FHIT: variants seen among roughly 807,000 people sequenced by gnomAD.
The protein encoded by FHIT is bis(5'-adenosyl)-triphosphatase.
Under a neutral mutation model 17.9 loss-of-function variants are expected in FHIT, and 19 were observed. That is an observed-to-expected ratio of 1.06 (90% CI 0.74 to 1.56). The LOEUF (loss-of-function observed/expected upper bound fraction) is 1.56, where lower values mean the gene tolerates loss of function less well. FHIT is among the 40% of genes most tolerant of loss of function. The pLI is 0.00. For missense variants in FHIT, 248 were observed against 189.2 expected (o/e 1.31, Z -1.82); for synonymous variants, 81 against 69.7 (o/e 1.16, Z -0.81).
intron 5 of FHIT, among the ~76,000 whole-genome samples, chr3:60,231,050 T>G (rs568865483): frequency 2.0e-5 from 3 of 152,340 alleles, no homozygotes; most frequent in African/African-American, 7.2e-5. Context: ...GACATGGTAG[T>G]GGCAACAACT....
intron 5 of FHIT, among the ~76,000 whole-genome samples, chr3:60,195,486 T>C (rs1038127731): frequency 3.4e-5 from 5 of 147,898 alleles, no homozygotes; most frequent in African/African-American, 7.4e-5. Context: ...CAGTTCACAA[T>C]TGAAAAGACG....
intron 5 of FHIT, among the ~76,000 whole-genome samples, chr3:60,104,846 G>A (rs923233492): frequency 2.0e-5 from 3 of 152,000 alleles, no homozygotes; most frequent in African/African-American, 7.2e-5. Context: ...AGTTACTATG[G>A]GAACAGAGGT....
intron 3 of FHIT, among the ~76,000 whole-genome samples, chr3:61,018,297 T>C (rs72873078): frequency 0.021 from 3,203 of 152,332 alleles, 72 homozygotes; most frequent in African/African-American, 0.05. Flanking sequence ...GAAAGAGTTT[T>C]GATTTTTGTT....
chr3:60,305,568 A>C (rs1016115949), intron 5 of FHIT, among the ~76,000 whole-genome samples: 1 of 152,144 alleles, frequency 6.6e-6, no homozygotes, highest in African/African-American at 2.4e-5. Context: ...GCTTCAAAAC[A>C]ATGTGTTTAT....
At chr3:60,372,303 C>A (rs981766989) in intron 5 of FHIT, among the ~76,000 whole-genome samples, 1 of 152,164 alleles carries the variant, frequency 6.6e-6, no homozygotes, top group Admixed American at 6.6e-5. Context: ...TAGAGCACCA[C>A]CCCTTCACCA....
At chr3:60,885,839 C>A (rs1705198035) in intron 3 of FHIT, among the ~76,000 whole-genome samples, 1 of 152,138 alleles carries the variant, frequency 6.6e-6, no homozygotes, top group Non-Finnish European at 1.5e-5. Context: ...CCAGATGCCT[C>A]CTCTAATTGT....
intron 7 of FHIT, among the ~76,000 whole-genome samples, chr3:60,008,764 G>T (rs802780): frequency 0.98 from 150,012 of 152,316 alleles, 73,921 homozygotes; most frequent in Middle Eastern, 1. Context: ...ATGCTCAGAG[G>T]CTTGAATTGT....
At chr3:60,791,770 T>C (rs555480907) in intron 4 of FHIT, among the ~76,000 whole-genome samples, 1 of 152,312 alleles carries the variant, frequency 6.6e-6, no homozygotes, top group East Asian at 1.9e-4. Context: ...CCAGTATGAA[T>C]GAGAACAGTC....
chr3:60,123,985 T>A (rs1341772342), intron 5 of FHIT, among the ~76,000 whole-genome samples: 1 of 47,466 alleles, frequency 2.1e-5, no homozygotes, highest in African/African-American at 8.3e-5. Context: ...TATATATATA[T>A]ATATATATAT....
chr3:60,954,427 G>A (rs1709025276), intron 3 of FHIT, among the ~76,000 whole-genome samples: 1 of 152,160 alleles, frequency 6.6e-6, no homozygotes, highest in African/African-American at 2.4e-5. Context: ...AATAGGCTCT[G>A]GAGAGTTTAG....
chr3:59,796,764 T>C (rs1247819206), intron 8 of FHIT, among the ~76,000 whole-genome samples: 2 of 152,220 alleles, frequency 1.3e-5, no homozygotes, highest in Admixed American at 1.3e-4. Context: ...GACTGCAGTA[T>C]TCTCAGTGAC....
intron 5 of FHIT, among the ~76,000 whole-genome samples, chr3:60,036,536 T>G (rs1156846454): frequency 6.6e-6 from 1 of 152,184 alleles, no homozygotes; most frequent in Non-Finnish European, 1.5e-5. Context: ...CAATAAAACT[T>G]TATTTTTTCT....
chr3:59,963,683 A>C (rs1022735878), intron 7 of FHIT, among the ~76,000 whole-genome samples: 2 of 152,230 alleles, frequency 1.3e-5, no homozygotes, highest in African/African-American at 4.8e-5. Context: ...GTGACTTGCT[A>C]AAGATAATTC....
chr3:60,622,210 C>A (rs1382059054), intron 4 of FHIT, among the ~76,000 whole-genome samples: 1 of 152,160 alleles, frequency 6.6e-6, no homozygotes, highest in Non-Finnish European at 1.5e-5. Context: ...CCCAAGTGGT[C>A]TTTTCCTCAT....
intron 4 of FHIT, among the ~76,000 whole-genome samples, chr3:60,817,750 A>T (rs1433171699): frequency 6.6e-6 from 1 of 152,194 alleles, no homozygotes; most frequent in African/African-American, 2.4e-5. Context: ...TTTGGGATTC[A>T]CTGCATTTCT....
rs542904194 is a variant in FHIT at position 60,653,634 on chromosome 3, GA to G, written c.-17-116656del. On this transcript the variant is annotated intron_variant, in intron 4 of 9. Coordinates refer to ENST00000492590, the MANE Select transcript of FHIT (RefSeq NM_002012.4). Reference sequence around the variant, plus strand: ...AAGAATAATTAACTGTAAAGTGGTAGAAAAATGAAATTCCTAACAATTTCCT... The same window carrying G: ...AAGAATAATTAACTGTAAAGTGGTAGAAAATGAAATTCCTAACAATTTCCT... 6.8e-5 allele frequency among the ~76,000 whole-genome samples: 10 copies of G among 147,842 alleles called. No individual in the cohort carries two copies. The South Asian group carries it at 2.2e-3, about 33-fold the overall frequency.
chr3:61,201,600 T>A (rs9850978), intron 1 of FHIT, among the ~76,000 whole-genome samples: 20,690 of 151,922 alleles, frequency 0.14, 1,540 homozygotes, highest in Non-Finnish European at 0.15. Flanking sequence ...TCCCTCCACA[T>A]CCCTCTATTC....
At chr3:60,250,057 T>C (rs1705615204) in intron 5 of FHIT, among the ~76,000 whole-genome samples, 1 of 152,044 alleles carries the variant, frequency 6.6e-6, no homozygotes, top group African/African-American at 2.4e-5. Flanking sequence ...TGGAGATTAT[T>C]GCTATTCAAG....
intron 5 of FHIT, among the ~76,000 whole-genome samples, chr3:60,176,381 A>G (rs956803528): frequency 7.2e-5 from 11 of 152,200 alleles, no homozygotes; most frequent in African/African-American, 2.7e-4. Context: ...CAAAAGCCAC[A>G]TACTAGTAGC....
Sources: gnomAD v4.1 joint callset for allele counts (sites outside exome capture counted in the v4.1 genomes callset) on GRCh38, gnomAD v4.1.1 for gene constraint, MANE v1.5 for transcripts, NCBI Gene and HGNC (gene_info 2026-07-23, HGNC 2026-07-21) for gene names.